The following ITGB8 variants were observed in gnomAD, a reference collection of about 807,000 sequenced individuals.
The protein encoded by ITGB8 is integrin beta-8.
Under a neutral mutation model 89.5 loss-of-function variants are expected in ITGB8, and 30 were observed. That is an observed-to-expected ratio of 0.34 (90% CI 0.25 to 0.45). The LOEUF (loss-of-function observed/expected upper bound fraction) is 0.45, where lower values mean the gene tolerates loss of function less well. Among genes scored for constraint, ITGB8 ranks in the 20% least tolerant of loss-of-function variants. The pLI is 1.00. For missense variants in ITGB8, 836 were observed against 933.3 expected, an observed-to-expected ratio of 0.90 and a Z score of 1.36; for synonymous variants, 335 against 320.4, an observed-to-expected ratio of 1.05 and a Z score of -0.49.
chr7:20,347,641 G>A (rs1377939417), intron 1 of ITGB8, among the ~76,000 whole-genome samples: 2 of 152,206 alleles, frequency 1.3e-5, no homozygotes, highest in East Asian at 3.8e-4. Context: ...TTCAAGTCAG[G>A]AAGAGGAACA....
At chr7:20,353,945 A>AAAAG (rs1785201498) in intron 1 of ITGB8, among the ~76,000 whole-genome samples, 1 of 145,868 alleles carries the variant, frequency 6.9e-6, no homozygotes, top group African/African-American at 2.7e-5. Flanking sequence ...AAAAAAAAAA[A>AAAAG]AAAAAAAAAA....
chr7:20,399,937 A>C (rs1203508315), intron 9 of ITGB8, among the ~76,000 whole-genome samples: 1 of 152,186 alleles, frequency 6.6e-6, no homozygotes, highest in African/African-American at 2.4e-5. Flanking sequence ...ATGTTTTTCT[A>C]TCTTAGGAAT....
Position 20,412,246 on chromosome 7 carries a change from A to G in ITGB8, c.*2249A>G, listed in dbSNP as rs1444898101. 6.6e-6 allele frequency: 1 copy of G among 152,602 alleles called. No individual in the cohort carries two copies. The highest frequency in any genetic ancestry group is 2.1e-4 in the South Asian group (1 of 4,828). 9.5% of individuals were successfully genotyped at this position (152,602 alleles called of 1,614,324 possible). A position where few individuals can be genotyped will look rare whatever the true frequency, so the allele number is the denominator to read the frequency against. On this transcript the variant is annotated 3_prime_UTR_variant, in exon 14 of 14. Coordinates refer to ENST00000222573, the MANE Select transcript of ITGB8 (RefSeq NM_002214.3). ...AACTTGAACTGCATTTCCTTCCTCA[A>G]ATGAGAGATTGACATAATTCAGTAC...
intron 4 of ITGB8, chr7:20,379,700 C>T (rs1459893693): frequency 6.6e-6 from 1 of 152,422 alleles, no homozygotes; most frequent in Non-Finnish European, 1.5e-5. Context: ...AGAGTTTGTG[C>T]CAACACGTCA....
chr7:20,353,333 A>G (rs374592980), intron 1 of ITGB8: 3 of 152,354 alleles, frequency 2.0e-5, no homozygotes, highest in East Asian at 1.9e-4. Flanking sequence ...TAAAGATTAT[A>G]TATAATAAAA....
In ITGB8 at chr7:20,409,867, C is replaced by G. The variant is rs1787696698; in HGVS notation, c.2188-8C>G. On this transcript the variant is annotated splice_polypyrimidine_tract_variant and splice_region_variant and intron_variant, in intron 13 of 13. Coordinates refer to ENST00000222573, the MANE Select transcript of ITGB8 (RefSeq NM_002214.3). ...CTTAGTTAATAATAATATTTCTTCT[C>G]TATTAAGGATAAGTTGATTCTGCAA... 1 of 1,612,634 alleles carries G rather than the reference C, an allele frequency of 6.2e-7. No individual in the cohort carries two copies. Among genetic ancestry groups the G allele is most frequent in the African/African-American group, 1.3e-5 (1 of 74,864 alleles).
intron 9 of ITGB8, among the ~76,000 whole-genome samples, chr7:20,400,575 C>T (rs1055093914): frequency 5.3e-5 from 8 of 151,970 alleles, no homozygotes; most frequent in African/African-American, 1.7e-4. Context: ...GATCTCAATC[C>T]AACGTGAAAG....
chr7:20,347,112 C>T (rs1014896432), intron 1 of ITGB8, among the ~76,000 whole-genome samples: 2 of 152,298 alleles, frequency 1.3e-5, no homozygotes, highest in African/African-American at 2.4e-5. Flanking sequence ...AAGGCTCCCT[C>T]GCCATACCAC....
chr7:20,347,127 T>C (rs548158655), intron 1 of ITGB8, among the ~76,000 whole-genome samples: 1 of 152,264 alleles, frequency 6.6e-6, no homozygotes, highest in East Asian at 1.9e-4. Flanking sequence ...TACCACCACA[T>C]CTGTTGCTGC....
intron 4 of ITGB8, 51 bp from the exon 5 acceptor site, chr7:20,380,615 A>G (rs1786340073): frequency 2.1e-6 from 3 of 1,452,058 alleles, no homozygotes; most frequent in East Asian, 2.3e-5. Context: ...AGTATTCCAG[A>G]ATGCTTAAGA....
intron 6 of ITGB8, among the ~76,000 whole-genome samples, chr7:20,390,220 G>A (rs1786798332): frequency 6.6e-6 from 1 of 152,124 alleles, no homozygotes; most frequent in African/African-American, 2.4e-5. Flanking sequence ...GAACTTAAAT[G>A]TTATGATACT....
chr7:20,402,055 G>T lies in ITGB8; in HGVS notation c.1616G>T (p.Gly539Val). 6.2e-7 allele frequency: 1 copy of T among 1,614,134 alleles called. No individual in the cohort carries two copies. Among genetic ancestry groups the T allele is most frequent in the Non-Finnish European group, 8.5e-7 (1 of 1,180,006 alleles). Reference protein sequence around the residue: ...GKCSCHKIKLGKVYGKYCEKD... With the variant: ...GKCSCHKIKLVKVYGKYCEKD... ...TGTTCATGTCACAAAATTAAGCTTG[G>T]AAAAGTGTATGGAAAATACTGTGAA... The change falls in exon 10 of 14, where the codon GGA becomes GTA. Residue 539 changes from glycine (G) to valine (V), a missense_variant. Around this residue, in one of 5 missense-constraint regions of ITGB8, gnomAD observed 422 missense variants for 416.9 expected, o/e 1.01. Transcript: ENST00000222573.
chr7:20,374,496 A>AG (rs959483964), intron 3 of ITGB8, among the ~76,000 whole-genome samples: 1 of 151,856 alleles, frequency 6.6e-6, no homozygotes. Flanking sequence ...CTAAAAAAAA[A>AG]AAAAAAGATA....
chr7:20,391,068 C>T (rs191493818), intron 6 of ITGB8, among the ~76,000 whole-genome samples: 7 of 152,090 alleles, frequency 4.6e-5, no homozygotes, highest in East Asian at 3.9e-4. Context: ...TTGCCACTAA[C>T]GTGTCTCTAT....
At chr7:20,382,901 G>T (rs1023240888) in intron 6 of ITGB8, among the ~76,000 whole-genome samples, 2 of 152,146 alleles carry the variant, frequency 1.3e-5, no homozygotes, top group African/African-American at 4.8e-5. Context: ...AAAGATTAAT[G>T]TCATTTAAAA....
chr7:20,366,759 G>A, intron 2 of ITGB8: 1 of 363,384 alleles, frequency 2.8e-6, no homozygotes, highest in Non-Finnish European at 4.9e-6. Context: ...GGGAGACTCT[G>A]TCTCCGACAC....
In ITGB8 at chr7:20,359,325, T is replaced by C. The variant is rs142024684; in HGVS notation, c.128-4312T>C. Reference sequence around the variant, plus strand: ...TGGGATCAATAAAAAATAATCCTTATTAAAATGCAGTGTTCGAATATAAAG... The same window carrying C: ...TGGGATCAATAAAAAATAATCCTTACTAAAATGCAGTGTTCGAATATAAAG... On this transcript the variant is annotated intron_variant, in intron 1 of 13. Coordinates refer to ENST00000222573, the MANE Select transcript of ITGB8 (RefSeq NM_002214.3). Among the ~76,000 whole-genome samples, 41 of 152,332 alleles carry C rather than the reference T, an allele frequency of 2.7e-4. No individual in the cohort carries two copies. In the East Asian group the frequency reaches 7.1e-3, roughly 27 times the overall value.
chr7:20,345,348 T>A (rs1784887618), intron 1 of ITGB8, among the ~76,000 whole-genome samples: 1 of 151,704 alleles, frequency 6.6e-6, no homozygotes. Flanking sequence ...GGACAAAAGT[T>A]CTTGTCCTCA....
At chr7:20,407,080 T>C (rs997604514) in intron 12 of ITGB8, among the ~76,000 whole-genome samples, 3 of 152,180 alleles carry the variant, frequency 2.0e-5, no homozygotes, top group African/African-American at 7.2e-5. Flanking sequence ...ACAGATTTTA[T>C]CTGTTACTGA....
Sources: allele counts gnomAD v4.1 joint callset (sites outside exome capture counted in the v4.1 genomes callset), GRCh38; gene constraint gnomAD v4.1.1; regional missense constraint gnomAD v4.1.1; transcripts MANE v1.5; gene names NCBI Gene and HGNC (gene_info 2026-07-23, HGNC 2026-07-21).